Variants in MAMDC2 observed in about 807,000 individuals in gnomAD.
MAMDC2 encodes the protein MAM domain containing 2.
MAMDC2 carries 57 observed loss-of-function variants against 89.8 expected under a neutral mutation model. The observed-to-expected ratio is 0.63, with a 90% CI of 0.51 to 0.79. The LOEUF (loss-of-function observed/expected upper bound fraction) is 0.79. Among genes scored for constraint, MAMDC2 ranks in the 30% least tolerant of loss-of-function variants. The pLI is 0.00. For synonymous variants in MAMDC2, 313 were observed against 293.4 expected (o/e 1.07, Z -0.68); for missense variants, 800 against 820.6 (o/e 0.97, Z 0.31).
In MAMDC2 at chr9:70,226,237, A is replaced by G. The variant is rs903707814; in HGVS notation, c.*205A>G. ...GCATATGACAACTGTTACTAGAAATACAGGCTACTGGTTTTGCATAGATCA... is the reference window on the plus strand; with the variant it reads ...GCATATGACAACTGTTACTAGAAATGCAGGCTACTGGTTTTGCATAGATCA... On this transcript the variant is annotated 3_prime_UTR_variant, in exon 14 of 14. Transcript: ENST00000377182. 2.6e-6 allele frequency: 1 copy of G among 391,926 alleles called. No individual in the cohort carries two copies. Among genetic ancestry groups the G allele is most frequent in the Non-Finnish European group, 4.6e-6 (1 of 217,094 alleles). 24.3% of individuals were successfully genotyped at this position (391,926 alleles called of 1,614,324 possible).
intron 5 of MAMDC2, among the ~76,000 whole-genome samples, chr9:70,123,603 C>G (rs974546848): frequency 2.6e-5 from 4 of 152,092 alleles, no homozygotes; most frequent in African/African-American, 7.2e-5. Context: ...GTCCTAACCC[C>G]CAGGACTTAG....
At position 70,164,858 on chromosome 9, in the gene MAMDC2, T is replaced by C. The variant is rs1176863844; in HGVS notation, c.1405-3844T>C. The stretch of plus-strand genomic sequence containing the variant: ...CCTCTCTATGCTGCCCAGGTTGATC[T>C]TCAACTCCTGGCCTCAAGTGATCCT... On this transcript the variant is annotated intron_variant, in intron 9 of 13. Transcript: ENST00000377182. Among the ~76,000 whole-genome samples, 9 of 151,838 alleles carry C rather than the reference T, an allele frequency of 5.9e-5. No individual in the cohort carries two copies. In the South Asian group the frequency reaches 1.9e-3, roughly 32 times the overall value.
chr9:70,171,072 G>A (rs138664055), intron 11 of MAMDC2: 298 of 163,760 alleles, frequency 1.8e-3, no homozygotes, highest in African/African-American at 6.7e-3. Flanking sequence ...AGCAGTCCAC[G>A]TGGGTGGGCT....
intron 11 of MAMDC2, among the ~76,000 whole-genome samples, chr9:70,174,095 C>T (rs2032428277): frequency 6.6e-6 from 1 of 152,200 alleles, no homozygotes; most frequent in Non-Finnish European, 1.5e-5. Flanking sequence ...ATACCTACCT[C>T]ACAGACTGTG....
intron 2 of MAMDC2, among the ~76,000 whole-genome samples, chr9:70,098,564 A>C (rs372715357): frequency 2.6e-5 from 4 of 152,216 alleles, no homozygotes; most frequent in African/African-American, 9.6e-5. Context: ...TTATCAGTAG[A>C]AATAATATTT....
chr9:70,222,698 C>A (rs2033586800), intron 12 of MAMDC2, among the ~76,000 whole-genome samples: 1 of 152,126 alleles, frequency 6.6e-6, no homozygotes, highest in African/African-American at 2.4e-5. Flanking sequence ...GCTTTCATGA[C>A]TTTTCCTCCT....
chr9:70,052,303 A>C (rs1363436135), intron 2 of MAMDC2, among the ~76,000 whole-genome samples: 1 of 152,234 alleles, frequency 6.6e-6, no homozygotes, highest in African/African-American at 2.4e-5. Flanking sequence ...AGTTTGCTCC[A>C]AATTACATTT....
At position 70,147,493 on chromosome 9, in the gene MAMDC2, T is replaced by C. The variant is rs921709976; in HGVS notation, c.1404+3674T>C. Reference sequence around the variant, plus strand: ...TCCTCGTAATTTTTAGTTTTGTTTTTATTTTGAACATTTTTCTTGGTTCCC... The same window carrying C: ...TCCTCGTAATTTTTAGTTTTGTTTTCATTTTGAACATTTTTCTTGGTTCCC... On this transcript the variant is annotated intron_variant, in intron 9 of 13. Coordinates refer to ENST00000377182, the MANE Select transcript of MAMDC2 (RefSeq NM_153267.5). 1.2e-4 allele frequency among the ~76,000 whole-genome samples: 18 copies of C among 150,116 alleles called. 1 individual carries two copies. Among genetic ancestry groups the C allele is most frequent in the Admixed American group, 4.7e-4 (7 of 14,980 alleles).
intron 5 of MAMDC2, among the ~76,000 whole-genome samples, chr9:70,115,845 A>G (rs1053866778): frequency 5.3e-5 from 8 of 152,210 alleles, no homozygotes; most frequent in Admixed American, 2.0e-4. Context: ...AAATAATAAA[A>G]TGTCACTAAC....
At chr9:70,136,317 T>G (rs1587503625) in intron 7 of MAMDC2, among the ~76,000 whole-genome samples, 1 of 152,222 alleles carries the variant, frequency 6.6e-6, no homozygotes, top group Non-Finnish European at 1.5e-5. Flanking sequence ...ACTGGCTTCC[T>G]GCACTTTGTA....
chr9:70,202,482 T>G (rs1301686777), intron 11 of MAMDC2, among the ~76,000 whole-genome samples: 1 of 151,374 alleles, frequency 6.6e-6, no homozygotes, highest in Admixed American at 6.6e-5. Flanking sequence ...AAGTATGTGG[T>G]CAATTTTGGA....
rs1827323724 is a variant in MAMDC2, at chr9:70,068,613, G to C, written c.148+23916G>C. Among the ~76,000 whole-genome samples the C allele has an allele frequency of 3.3e-5, 5 of 151,492 alleles. No individual in the cohort carries two copies. The South Asian group carries it at 1.0e-3, about 32-fold the overall frequency. On this transcript the variant is annotated intron_variant, in intron 2 of 13. Transcript: ENST00000377182. ...GTGGTGGCAGGCACCTGTAATCCTA[G>C]CTACTCGGGAGGCTGAGGCAGGAGA...
intron 2 of MAMDC2, among the ~76,000 whole-genome samples, chr9:70,083,983 C>T (rs1446988881): frequency 6.6e-6 from 1 of 152,086 alleles, no homozygotes; most frequent in African/African-American, 2.4e-5. Flanking sequence ...TAGTTAGCCT[C>T]AATGTCTTCT....
intron 11 of MAMDC2, among the ~76,000 whole-genome samples, chr9:70,207,207 T>A (rs1163469386): frequency 1.3e-5 from 2 of 152,242 alleles, no homozygotes; most frequent in African/African-American, 2.4e-5. Context: ...ATCACCACAC[T>A]GTCTTCCACA....
intron 3 of MAMDC2, among the ~76,000 whole-genome samples, chr9:70,108,743 C>G (rs1445983015): frequency 6.6e-6 from 1 of 152,198 alleles, no homozygotes; most frequent in Non-Finnish European, 1.5e-5. Context: ...AAATCAACCT[C>G]TTCAATGAAA....
intron 9 of MAMDC2, among the ~76,000 whole-genome samples, chr9:70,166,875 C>A (rs992827611): frequency 6.6e-6 from 1 of 152,048 alleles, no homozygotes; most frequent in Non-Finnish European, 1.5e-5. Flanking sequence ...AGCTACCCCC[C>A]ACACCCCATA....
intron 5 of MAMDC2, among the ~76,000 whole-genome samples, chr9:70,122,435 C>A (rs1378205782): frequency 6.6e-6 from 1 of 152,216 alleles, no homozygotes; most frequent in Non-Finnish European, 1.5e-5. Flanking sequence ...TGTCCGTCAT[C>A]TGCAAGGAAG....
rs1242437941 is a variant in MAMDC2, at chr9:70,208,285, C to T, written c.1652-10052C>T. Among the ~76,000 whole-genome samples, 3 of 152,162 alleles carry T rather than the reference C, an allele frequency of 2.0e-5. No homozygotes were observed. The East Asian group carries it at 5.8e-4, about 29-fold the overall frequency. ...ATGAGCATGGAATGTCCTTCCATTT[C>T]TTTGTGTCCTCTTTTATTTCATTGA... On this transcript the variant is annotated intron_variant, in intron 11 of 13. Transcript: ENST00000377182.
chr9:70,218,356 G>A lies in MAMDC2; in HGVS notation c.1671G>A (p.Glu557=), dbSNP rs377255104. 3.8e-5 allele frequency: 62 copies of A among 1,613,410 alleles called. No homozygotes were observed. In the South Asian group the frequency reaches 6.4e-4, roughly 17 times the overall value. Residue 557 remains glutamate, a synonymous_variant, in exon 12 of 14, where the codon GAG becomes GAA. Transcript: ENST00000377182. ...CTCAAGGCTACTACATGTACATTGA[G>A]GCCTCCCATATGGTGTATGGACAAA... ...TTGVGYYMYI[E]ASHMVYGQKA...
Sources: allele counts gnomAD v4.1 joint callset (sites outside exome capture counted in the v4.1 genomes callset), GRCh38; gene constraint gnomAD v4.1.1; transcripts MANE v1.5; gene names NCBI Gene and HGNC (gene_info 2026-07-23, HGNC 2026-07-21).